TTF2: variants seen among roughly 807,000 people sequenced by gnomAD.
The protein encoded by TTF2 is RNA polymerase II termination factor.
A neutral mutation model predicts 142.4 loss-of-function variants in TTF2; 108 were observed. That is an observed-to-expected ratio of 0.76 (90% CI 0.65 to 0.89). TTF2 has a LOEUF of 0.89. Among genes scored for constraint, TTF2 ranks in the 40% least tolerant of loss-of-function variants. TTF2 has a pLI of 0.00. For synonymous variants in TTF2, 483 were observed against 506.2 expected (o/e 0.95, Z 0.61); for missense variants, 1,327 against 1,379.8 (o/e 0.96, Z 0.61).
At position 117,075,275 on chromosome 1, in the gene TTF2, AG is replaced by A; in HGVS notation, c.692del (p.Arg231AsnfsTer24). ...ACAGTGCCAAGGTAATGAGCTTACA[AG>A]ACCATCTGCATCTTCTCAGGAGAAA... ...SQQCQGNELT[R>X]PSASSQEKSS... is the part of the protein sequence containing the mutation. On this transcript the variant is annotated frameshift_variant, in exon 5 of 23. Transcript: ENST00000369466. LOFTEE classifies it high-confidence loss of function. This position sits in a 1 kb window ranked among gnomAD's most constrained non-coding sequence, Gnocchi z 4.5. The A allele has an allele frequency of 6.2e-7, 1 of 1,614,256 alleles. No homozygotes were observed. Among genetic ancestry groups the A allele is most frequent in the Non-Finnish European group, 8.5e-7 (1 of 1,180,046 alleles).
chr1:117,068,472 A>G (rs886969958), intron 3 of TTF2, among the ~76,000 whole-genome samples: 3 of 151,964 alleles, frequency 2.0e-5, no homozygotes, highest in African/African-American at 4.8e-5. Context: ...GCAACACACC[A>G]ACATGGCACA....
At chr1:117,096,962 G>T (rs1321641572) in intron 20 of TTF2, among the ~76,000 whole-genome samples, 5 of 152,148 alleles carry the variant, frequency 3.3e-5, no homozygotes, top group Non-Finnish European at 7.4e-5. Context: ...TAAAGATTTG[G>T]AAAGCATTAG....
rs1649940656 is a variant in TTF2 at position 117,106,312 on chromosome 1, G to A, written c.*4788G>A. 6.6e-6 allele frequency: 1 copy of A among 151,356 alleles called. No homozygotes were observed. The highest frequency in any genetic ancestry group is 2.1e-4 in the South Asian group (1 of 4,788). The allele number at this position is 151,356 out of a possible 1,614,324, so 9.4% of individuals were successfully genotyped here. ...GCAAACCCAGCCTAACTCCCAGGGA[G>A]GGAAGAGGGGCGACAGATATGCAGC... On this transcript the variant is annotated 3_prime_UTR_variant, in exon 23 of 23. Coordinates refer to ENST00000369466, the MANE Select transcript of TTF2 (RefSeq NM_003594.4).
chr1:117,089,980 C>A, intron 13 of TTF2, 75 bp from the exon 14 acceptor site: 2 of 1,489,196 alleles, frequency 1.3e-6, no homozygotes, highest in Non-Finnish European at 1.8e-6. Flanking sequence ...CATCTTATAT[C>A]TTACTTTGAA....
rs1019563155 is a variant in TTF2 at position 117,070,527 on chromosome 1, G to A, written c.219-3134G>A. 2.6e-5 allele frequency among the ~76,000 whole-genome samples: 4 copies of A among 152,188 alleles called. No individual in the cohort carries two copies. The highest frequency in any genetic ancestry group is 9.7e-5 in the African/African-American group (4 of 41,446). ...ACTGAAACATCATCATGCAGCACGG[G>A]ACTGTACTTATGAAATATTCTTTCA... On this transcript the variant is annotated intron_variant, in intron 3 of 22. Transcript: ENST00000369466. This position sits in a 1 kb window ranked among gnomAD's most constrained non-coding sequence, Gnocchi z 4.2.
rs1487426805 is a variant in TTF2, at chr1:117,085,419, G to T, written c.2055-998G>T. 6.6e-6 allele frequency among the ~76,000 whole-genome samples: 1 copy of T among 152,182 alleles called. No individual in the cohort carries two copies. The highest frequency in any genetic ancestry group is 1.9e-4 in the East Asian group (1 of 5,166). ...AATACAAAAATTAGCTGGGTGTGGT[G>T]GTGTGCACTTGTAGTGCCATTTACT... On this transcript the variant is annotated intron_variant, in intron 11 of 22. Coordinates refer to ENST00000369466, the MANE Select transcript of TTF2 (RefSeq NM_003594.4). This position sits in a 1 kb window ranked among gnomAD's most constrained non-coding sequence, Gnocchi z 4.7.
Position 117,097,252 on chromosome 1 carries a change from C to T in TTF2, c.3187-99C>T, listed in dbSNP as rs1331182584. On this transcript the variant is annotated intron_variant, in intron 20 of 22. Coordinates refer to ENST00000369466, the MANE Select transcript of TTF2 (RefSeq NM_003594.4). The surrounding 1 kb of genome is among the most constrained non-coding windows in gnomAD (Gnocchi z 4.1). The stretch of plus-strand genomic sequence containing the variant: ...ACAGCAGAAGGAAATTTGATAGGAA[C>T]ACAGTGCTTATCTGTATTGATTGTG... 1.1e-5 allele frequency: 11 copies of T among 995,892 alleles called. No homozygotes were observed. Among genetic ancestry groups the T allele is most frequent in the Non-Finnish European group, 1.6e-5 (10 of 633,562 alleles). 61.7% of individuals were successfully genotyped at this position (995,892 alleles called of 1,614,324 possible).
At chr1:117,098,589 G>C (rs1241089074) in intron 21 of TTF2, 1 of 387,314 alleles carries the variant, frequency 2.6e-6, no homozygotes, top group East Asian at 4.3e-5. Context: ...TCTTAGGCCA[G>C]TATAGCTTAG....
chr1:117,062,162 C>G (rs1655734282), intron 2 of TTF2, among the ~76,000 whole-genome samples: 1 of 152,116 alleles, frequency 6.6e-6, no homozygotes, highest in African/African-American at 2.4e-5. Flanking sequence ...ACTTTTGAGT[C>G]ATCAAGAAAC....
chr1:117,062,530 A>G (rs1038225777), intron 3 of TTF2, 57 bp downstream of exon 3: 2 of 1,489,930 alleles, frequency 1.3e-6, no homozygotes, highest in African/African-American at 2.8e-5. Flanking sequence ...TTTCTCCCTG[A>G]AAGAGTTGTA....
In TTF2 at chr1:117,101,180, G is replaced by A. The variant is rs1649553582; in HGVS notation, c.3345-200G>A. Among the ~76,000 whole-genome samples, 1 of 152,184 alleles carries A rather than the reference G, an allele frequency of 6.6e-6. No individual in the cohort carries two copies. ...CTTCAGAAAGTATTAAAATGCCAAT[G>A]TGGGTCACATCCTTTTAAAGGGATA... On this transcript the variant is annotated intron_variant, in intron 22 of 22. Transcript: ENST00000369466. The surrounding 1 kb of genome is among the most constrained non-coding windows in gnomAD (Gnocchi z 5.9).
intron 11 of TTF2, among the ~76,000 whole-genome samples, chr1:117,084,717 A>G (rs1647856536): frequency 6.6e-6 from 1 of 152,200 alleles, no homozygotes; most frequent in Non-Finnish European, 1.5e-5. Flanking sequence ...CCACATGGCA[A>G]TCTTAGTCCT....
In TTF2 at chr1:117,086,519, G is replaced by A. The variant is rs746369891; in HGVS notation, c.2157G>A (p.Val719=). 1 of 1,612,916 alleles carries A rather than the reference G, an allele frequency of 6.2e-7. No individual in the cohort carries two copies. Among genetic ancestry groups the A allele is most frequent in the Non-Finnish European group, 8.5e-7 (1 of 1,179,166 alleles). The change falls in exon 12 of 23, where the codon GTG becomes GTA. Residue 719 remains valine, a synonymous_variant. Transcript: ENST00000369466. The surrounding 1 kb of genome is among the most constrained non-coding windows in gnomAD (Gnocchi z 4.2). Reference sequence around the variant, plus strand: ...AGATCCCAGGTGCAAACCTCAATGTGGAGGTGAGGCTGGGGGGCAGCCAGG... The same window carrying A: ...AGATCCCAGGTGCAAACCTCAATGTAGAGGTGAGGCTGGGGGGCAGCCAGG... The part of the protein sequence containing the change: ...EAEIPGANLN[V]EGTSTPLLRI...
chr1:117,102,432 T>A lies in TTF2; in HGVS notation c.*908T>A, dbSNP rs1397202438. On this transcript the variant is annotated 3_prime_UTR_variant, in exon 23 of 23. Transcript: ENST00000369466. Reference sequence around the variant, plus strand: ...ACATGAACAGATGCTGAGTATCTGTTATCATTGTATTGTTTAGTGTCAGTG... The same window carrying A: ...ACATGAACAGATGCTGAGTATCTGTAATCATTGTATTGTTTAGTGTCAGTG... The A allele has an allele frequency of 1.3e-5, 2 of 152,206 alleles. No individual in the cohort carries two copies. The highest frequency in any genetic ancestry group is 3.8e-4 in the East Asian group (2 of 5,198). 9.4% of individuals were successfully genotyped at this position (152,206 alleles called of 1,614,324 possible).
In TTF2 at chr1:117,090,123, AAGG is replaced by A. The variant is rs1373848189; in HGVS notation, c.2417_2419del (p.Gly806del). 7 of 1,614,170 alleles carry A rather than the reference AAGG, an allele frequency of 4.3e-6. No homozygotes were observed. The highest frequency in any genetic ancestry group is 2.2e-5 in the South Asian group (2 of 91,088). ...AGTCAGGTTGACAATGGCTCAAAGAAAGGAGGAGAACGGTTAAGTATTTTAACC... is the reference window on the plus strand; with the variant it reads ...AGTCAGGTTGACAATGGCTCAAAGAAAGGAGAACGGTTAAGTATTTTAACC... On this transcript the variant is annotated inframe_deletion, in exon 14 of 23. Coordinates refer to ENST00000369466, the MANE Select transcript of TTF2 (RefSeq NM_003594.4). The surrounding 1 kb of genome is among the most constrained non-coding windows in gnomAD (Gnocchi z 4.8).
rs1365543857 is a variant in TTF2, at chr1:117,105,574, A to C, written c.*4050A>C. 1 of 152,128 alleles carries C rather than the reference A, an allele frequency of 6.6e-6. No individual in the cohort carries two copies. Among genetic ancestry groups the C allele is most frequent in the African/African-American group, 2.4e-5 (1 of 41,402 alleles). The allele number at this position is 152,128 out of a possible 1,614,324, so 9.4% of individuals were successfully genotyped here. A position where few individuals can be genotyped will look rare whatever the true frequency, so the allele number is the denominator to read the frequency against. On this transcript the variant is annotated 3_prime_UTR_variant, in exon 23 of 23. Transcript: ENST00000369466. This position sits in a 1 kb window ranked among gnomAD's most constrained non-coding sequence, Gnocchi z 4.7. ...TCTACTAAAAATACAAAAGTTAGCC[A>C]GGCGTGATGTTGGGTGCCTGTAATT... is the stretch of plus-strand genomic sequence containing the variant.
At position 117,092,059 on chromosome 1, in the gene TTF2, G is replaced by A; in HGVS notation, c.2805+109G>A. The A allele has an allele frequency of 2.4e-6, 3 of 1,239,480 alleles. No individual in the cohort carries two copies. The highest frequency in any genetic ancestry group is 2.5e-5 in the East Asian group (1 of 39,316). 76.8% of individuals were successfully genotyped at this position (1,239,480 alleles called of 1,614,324 possible). On this transcript the variant is annotated intron_variant, in intron 17 of 22. Coordinates refer to ENST00000369466, the MANE Select transcript of TTF2 (RefSeq NM_003594.4). The surrounding 1 kb of genome is among the most constrained non-coding windows in gnomAD (Gnocchi z 4.4). ...TCCAGTCTGCTTGATCAAAGGAAAT[G>A]CTGTTTCGGTTTTTCTATTTTTGTT...
Position 117,100,547 on chromosome 1 carries a change from A to G in TTF2, c.3345-833A>G, listed in dbSNP as rs1181771984. On this transcript the variant is annotated intron_variant, in intron 22 of 22. Transcript: ENST00000369466. This position sits in a 1 kb window ranked among gnomAD's most constrained non-coding sequence, Gnocchi z 4.6. ...CCACCACCCGTGATCTGGCCCTACC[A>G]GCCTCTTGAGCTTTTGCCATTGTGG... Among the ~76,000 whole-genome samples the G allele has an allele frequency of 6.6e-6, 1 of 152,188 alleles. No individual in the cohort carries two copies. Among genetic ancestry groups the G allele is most frequent in the Non-Finnish European group, 1.5e-5 (1 of 68,032 alleles).
chr1:117,075,968 AT>A lies in TTF2; in HGVS notation c.1275+110del, dbSNP rs1656976718. The A allele has an allele frequency of 1.4e-6, 2 of 1,446,110 alleles. No homozygotes were observed. The highest frequency in any genetic ancestry group is 1.8e-6 in the Non-Finnish European group (2 of 1,086,900). The allele number at this position is 1,446,110 out of a possible 1,614,324, so 89.6% of individuals were successfully genotyped here. Reference sequence around the variant, plus strand: ...TTAAATATGTTCATGTGAAGGTTTTATAGGTGCATGTTCAGTTTCTGCCTTT... The same window carrying A: ...TTAAATATGTTCATGTGAAGGTTTTAAGGTGCATGTTCAGTTTCTGCCTTT... On this transcript the variant is annotated intron_variant, in intron 5 of 22. Coordinates refer to ENST00000369466, the MANE Select transcript of TTF2 (RefSeq NM_003594.4). This position sits in a 1 kb window ranked among gnomAD's most constrained non-coding sequence, Gnocchi z 4.5.
Sources: allele counts gnomAD v4.1 joint callset (sites outside exome capture counted in the v4.1 genomes callset), GRCh38; gene constraint gnomAD v4.1.1; non-coding constraint Gnocchi (gnomAD v3.1); transcripts MANE v1.5; gene names NCBI Gene and HGNC (gene_info 2026-07-23, HGNC 2026-07-21).